Variants in HBS1L observed in about 807,000 individuals in gnomAD.
HBS1L encodes HBS1-like protein.
Under a neutral mutation model 88.9 loss-of-function variants are expected in HBS1L, and 55 were observed. The ratio of observed to expected loss-of-function variants is 0.62; its 90% confidence interval spans 0.50 to 0.77. HBS1L has a LOEUF of 0.77. HBS1L is among the 30% of genes least tolerant of loss of function. The pLI, the probability that HBS1L is intolerant of heterozygous loss-of-function variation, is 0.00. For missense variants in HBS1L, 741 were observed against 829.3 expected (o/e 0.89, Z 1.31); for synonymous variants, 267 against 288.5 (o/e 0.93, Z 0.76).
chr6:134,997,390 G>A lies in HBS1L; in HGVS notation c.799+7C>T. 1.2e-6 allele frequency: 2 copies of A among 1,613,884 alleles called. No individual in the cohort carries two copies. The highest frequency in any genetic ancestry group is 1.7e-6 in the Non-Finnish European group (2 of 1,179,880). ...GGCTGACGATCCAGAGGGACAAAGA[G>A]CATTACCAATGACCACTAAGTTGAG... On this transcript the variant is annotated splice_region_variant and intron_variant, in intron 6 of 17. Coordinates refer to ENST00000367837, the MANE Select transcript of HBS1L (RefSeq NM_006620.4).
chr6:135,011,840 A>C (rs1286349681), intron 4 of HBS1L, among the ~76,000 whole-genome samples: 1 of 143,746 alleles, frequency 7.0e-6, no homozygotes, highest in Non-Finnish European at 1.5e-5. Context: ...CAGGAGGCGG[A>C]GGTTGAAGTG....
chr6:135,033,723 T>C (rs1343407893), intron 4 of HBS1L, among the ~76,000 whole-genome samples: 1 of 152,224 alleles, frequency 6.6e-6, no homozygotes, highest in Non-Finnish European at 1.5e-5. Context: ...GCATTTCCAC[T>C]TGAAAATTAC....
At chr6:135,016,096 G>C (rs928183441) in intron 4 of HBS1L, among the ~76,000 whole-genome samples, 1 of 151,940 alleles carries the variant, frequency 6.6e-6, no homozygotes, top group East Asian at 1.9e-4. Flanking sequence ...ATGTTGGCCA[G>C]GCTGGTCTCG....
At chr6:134,978,605 G>C (rs1774720599) in intron 15 of HBS1L, 74 bp downstream of exon 15, 2 of 773,688 alleles carry the variant, frequency 2.6e-6, no homozygotes, top group Non-Finnish European at 4.2e-6. Context: ...CACTTGTAAA[G>C]AAAGTTACCA....
chr6:134,990,463 G>A (rs1775100818), intron 8 of HBS1L, among the ~76,000 whole-genome samples: 1 of 152,124 alleles, frequency 6.6e-6, no homozygotes, highest in Admixed American at 6.5e-5. Flanking sequence ...TTGCACACTC[G>A]GCAAGTTACT....
chr6:134,999,327 A>G (rs1775379872), intron 5 of HBS1L, among the ~76,000 whole-genome samples: 1 of 152,176 alleles, frequency 6.6e-6, no homozygotes, highest in South Asian at 2.1e-4. Flanking sequence ...CTGCCAGAAT[A>G]GGAAGGGCTT....
intron 2 of HBS1L, among the ~76,000 whole-genome samples, chr6:135,046,495 C>G (rs991054181): frequency 6.6e-6 from 1 of 152,116 alleles, no homozygotes; most frequent in African/African-American, 2.4e-5. Context: ...TTTGCTACCC[C>G]CTACTCTTTG....
chr6:135,015,399 G>A (rs958049273), intron 4 of HBS1L, among the ~76,000 whole-genome samples: 1 of 152,006 alleles, frequency 6.6e-6, no homozygotes, highest in Non-Finnish European at 1.5e-5. Context: ...TGGAGTTCTC[G>A]CTCTGGTGTT....
intron 4 of HBS1L, chr6:135,037,639 T>C (rs1251572224): frequency 5.1e-5 from 79 of 1,549,024 alleles, no homozygotes; most frequent in Non-Finnish European, 6.2e-5. Context: ...AGAATCATCT[T>C]TGGAAATGCA....
chr6:135,035,808 A>T (rs1554231002), intron 4 of HBS1L: 1 of 387,796 alleles, frequency 2.6e-6, no homozygotes, highest in Non-Finnish European at 3.5e-6. Flanking sequence ...CAGCAGCAGA[A>T]GCTAAAGAGA....
At chr6:135,000,020 T>C (rs1405298013) in intron 5 of HBS1L, among the ~76,000 whole-genome samples, 2 of 151,994 alleles carry the variant, frequency 1.3e-5, no homozygotes, top group African/African-American at 2.4e-5. Context: ...TTCAGGTGCT[T>C]TCTGGTATCA....
intron 15 of HBS1L, among the ~76,000 whole-genome samples, chr6:134,974,096 T>C (rs1303467124): frequency 6.6e-6 from 1 of 151,916 alleles, no homozygotes; most frequent in Non-Finnish European, 1.5e-5. Flanking sequence ...ACCACAGATA[T>C]ACAAAAGATC....
At chr6:135,043,641 C>T (rs1481504661) in intron 2 of HBS1L, among the ~76,000 whole-genome samples, 1 of 152,116 alleles carries the variant, frequency 6.6e-6, no homozygotes, top group Non-Finnish European at 1.5e-5. Flanking sequence ...TAATACCAGA[C>T]AACAAGCACT....
chr6:135,033,012 T>C (rs1393092371), intron 4 of HBS1L, among the ~76,000 whole-genome samples: 3 of 152,122 alleles, frequency 2.0e-5, no homozygotes, highest in African/African-American at 7.2e-5. Context: ...AGAAGAATCA[T>C]ATCCAAAAGA....
At chr6:135,032,709 C>T (rs996001162) in intron 4 of HBS1L, among the ~76,000 whole-genome samples, 2 of 152,122 alleles carry the variant, frequency 1.3e-5, no homozygotes, top group Non-Finnish European at 2.9e-5. Flanking sequence ...CGTATTTTAT[C>T]TTCAGTGGTT....
At chr6:135,023,587 A>C (rs77059292) in intron 4 of HBS1L, among the ~76,000 whole-genome samples, 259 of 152,340 alleles carry the variant, frequency 1.7e-3, no homozygotes, top group Middle Eastern at 6.8e-3. Context: ...AATGCTAGAA[A>C]GAATATAACC....
intron 15 of HBS1L, among the ~76,000 whole-genome samples, chr6:134,975,510 C>T (rs777746396): frequency 2.0e-5 from 3 of 152,146 alleles, no homozygotes; most frequent in Non-Finnish European, 4.4e-5. Context: ...TCAAATTATA[C>T]TACAGGCTAT....
intron 3 of HBS1L, 101 bp downstream of exon 3, chr6:135,041,900 C>T (rs1323585123): frequency 1.1e-6 from 1 of 949,730 alleles, no homozygotes; most frequent in Non-Finnish European, 1.6e-6. Context: ...TACATCATTA[C>T]TGTTCATAGT....
chr6:135,030,626 T>A (rs1227095863), intron 4 of HBS1L, among the ~76,000 whole-genome samples: 1 of 152,106 alleles, frequency 6.6e-6, no homozygotes, highest in Non-Finnish European at 1.5e-5. Flanking sequence ...GTTTAGGTAA[T>A]TCTGCTAAAA....
Sources: gnomAD v4.1 joint callset for allele counts (sites outside exome capture counted in the v4.1 genomes callset) on GRCh38, gnomAD v4.1.1 for gene constraint, MANE v1.5 for transcripts, NCBI Gene and HGNC (gene_info 2026-07-23, HGNC 2026-07-21) for gene names.